RBFOX1: variants seen among roughly 807,000 people sequenced by gnomAD.
The protein encoded by RBFOX1 is RNA binding protein fox-1 homolog 1.
A neutral mutation model predicts 57.7 loss-of-function variants in RBFOX1; 8 were observed. The ratio of observed to expected loss-of-function variants is 0.14; its 90% CI spans 0.08 to 0.25. The LOEUF (loss-of-function observed/expected upper bound fraction) is 0.25. Ranked by LOEUF, RBFOX1 falls within the 10% of genes least tolerant of loss-of-function variation. The pLI is 1.00. For missense variants in RBFOX1, 611 were observed against 548.5 expected (o/e 1.11, Z -1.14); for synonymous variants, 326 against 222.4 (o/e 1.47, Z -4.15).
At chr16:6,023,359 A>G (rs1356221127) in intron 1 of RBFOX1, among the ~76,000 whole-genome samples, 1 of 152,110 alleles carries the variant, frequency 6.6e-6, no homozygotes, top group Non-Finnish European at 1.5e-5. Context: ...TTAGAAAAAA[A>G]TTAAGCTTAG....
chr16:6,752,987 G>A (rs971278042), intron 3 of RBFOX1, among the ~76,000 whole-genome samples: 5 of 151,970 alleles, frequency 3.3e-5, no homozygotes, highest in Admixed American at 6.6e-5. Flanking sequence ...AAATACAAAT[G>A]TGCAAATTTC....
intron 3 of RBFOX1, among the ~76,000 whole-genome samples, chr16:6,850,565 T>C (rs1260601182): frequency 6.6e-6 from 1 of 152,172 alleles, no homozygotes; most frequent in Non-Finnish European, 1.5e-5. Flanking sequence ...CAGCTAAGAT[T>C]ATATCCCTAC....
intron 3 of RBFOX1, among the ~76,000 whole-genome samples, chr16:5,846,872 A>C (rs905248674): frequency 3.3e-5 from 5 of 152,322 alleles, no homozygotes; most frequent in African/African-American, 1.2e-4. Context: ...GGAGAAGGAC[A>C]CATTTTGCAA....
At chr16:6,195,913 C>T (rs772696692) in intron 1 of RBFOX1, among the ~76,000 whole-genome samples, 12 of 151,910 alleles carry the variant, frequency 7.9e-5, no homozygotes, top group African/African-American at 2.4e-4. Context: ...AAGAGATAAA[C>T]GGGCTTGAGA....
At chr16:5,484,458 C>T (rs1597251947) in intron 2 of RBFOX1, among the ~76,000 whole-genome samples, 1 of 152,352 alleles carries the variant, frequency 6.6e-6, no homozygotes, top group East Asian at 1.9e-4. Flanking sequence ...AGTGACACCC[C>T]ATTCCCTCTG....
At chr16:6,598,754 G>A (rs1006812667) in intron 2 of RBFOX1, among the ~76,000 whole-genome samples, 7 of 151,936 alleles carry the variant, frequency 4.6e-5, no homozygotes, top group Non-Finnish European at 7.4e-5. Context: ...GAGACCAGCC[G>A]GACCAATATG....
intron 4 of RBFOX1, among the ~76,000 whole-genome samples, chr16:7,094,456 T>C (rs907406530): frequency 6.6e-6 from 1 of 152,098 alleles, no homozygotes; most frequent in Admixed American, 6.6e-5. Flanking sequence ...TTTGGAGACA[T>C]GCAATGCTAT....
At chr16:7,483,056 A>C (rs2064419747) in intron 4 of RBFOX1, among the ~76,000 whole-genome samples, 1 of 152,128 alleles carries the variant, frequency 6.6e-6, no homozygotes, top group Non-Finnish European at 1.5e-5. Context: ...GAGGAGAGGG[A>C]AGCCACCCTC....
At chr16:5,982,880 T>A (rs62013936) in intron 4 of RBFOX1, among the ~76,000 whole-genome samples, 34,415 of 152,210 alleles carry the variant, frequency 0.23, 4,224 homozygotes, top group South Asian at 0.31. Flanking sequence ...TGTAGCAGTG[T>A]CTGGCAGATG....
At chr16:5,470,954 C>T (rs540837620) in intron 2 of RBFOX1, among the ~76,000 whole-genome samples, 6 of 152,108 alleles carry the variant, frequency 3.9e-5, no homozygotes, top group Non-Finnish European at 7.3e-5. Context: ...TGGGTTCAAG[C>T]GATTCTACTG....
chr16:6,545,353 A>C (rs1457306755), intron 2 of RBFOX1, among the ~76,000 whole-genome samples: 2 of 152,164 alleles, frequency 1.3e-5, no homozygotes, highest in African/African-American at 4.8e-5. Flanking sequence ...TTGGCCTGTA[A>C]TCCCAGTTTC....
At chr16:5,270,609 G>A (rs1473702834) in intron 1 of RBFOX1, 11 of 581,566 alleles carry the variant, frequency 1.9e-5, no homozygotes, top group East Asian at 3.7e-5. Flanking sequence ...ACCAAAAAAC[G>A]CAACAATCAG....
intron 3 of RBFOX1, among the ~76,000 whole-genome samples, chr16:7,037,231 T>TTTA (rs2044760969): frequency 7.4e-6 from 1 of 134,600 alleles, no homozygotes; most frequent in African/African-American, 3.0e-5. Flanking sequence ...TTAGCCTCTT[T>TTTA]TTTTTTTTTT....
intron 1 of RBFOX1, among the ~76,000 whole-genome samples, chr16:5,333,208 A>G (rs2064806261): frequency 6.6e-6 from 1 of 152,158 alleles, no homozygotes; most frequent in Non-Finnish European, 1.5e-5. Context: ...CAAAAAACCA[A>G]ACTACACTAG....
At chr16:7,156,571 A>G (rs971503885) in intron 4 of RBFOX1, among the ~76,000 whole-genome samples, 5 of 152,140 alleles carry the variant, frequency 3.3e-5, no homozygotes, top group African/African-American at 4.8e-5. Flanking sequence ...GTACATATGT[A>G]TGCACATTTG....
At chr16:6,003,465 C>A (rs945700355) in intron 4 of RBFOX1, among the ~76,000 whole-genome samples, 3 of 152,006 alleles carry the variant, frequency 2.0e-5, no homozygotes, top group Non-Finnish European at 4.4e-5. Context: ...TCGCCACCGC[C>A]CACCACCACC....
intron 4 of RBFOX1, among the ~76,000 whole-genome samples, chr16:5,964,366 A>G (rs1418077414): frequency 6.6e-6 from 1 of 152,166 alleles, no homozygotes; most frequent in Non-Finnish European, 1.5e-5. Flanking sequence ...AACTAGAGCT[A>G]CCATATGACC....
At chr16:6,590,827 T>C (rs2097699907) in intron 2 of RBFOX1, among the ~76,000 whole-genome samples, 1 of 107,020 alleles carries the variant, frequency 9.3e-6, no homozygotes, top group Non-Finnish European at 1.9e-5. Context: ...AGCTCTGTCA[T>C]ATTGGCAAGT....
chr16:6,490,912 G>A lies in RBFOX1; in HGVS notation c.-63-163691G>A, dbSNP rs573789867. 6.0e-4 allele frequency among the ~76,000 whole-genome samples: 91 copies of A among 152,224 alleles called. 2 individuals carry two copies. The highest frequency in any genetic ancestry group is 2.2e-3 in the African/African-American group (91 of 41,534). ...CTGTCAAATGTCCTTTTTTAATACA[G>A]TTCATTAAATTGGCTTTTGTGGAAT... On this transcript the variant is annotated intron_variant, in intron 2 of 15. Transcript: ENST00000550418.
Sources: gnomAD v4.1 joint callset for allele counts (sites outside exome capture counted in the v4.1 genomes callset) on GRCh38, gnomAD v4.1.1 for gene constraint, MANE v1.5 for transcripts, NCBI Gene and HGNC (gene_info 2026-07-23, HGNC 2026-07-21) for gene names.